Variants in GNAL observed in about 807,000 individuals in gnomAD.
GNAL encodes G protein subunit alpha L, also known as guanine nucleotide-binding protein G(olf) subunit alpha.
Under a neutral mutation model 55.1 loss-of-function variants are expected in GNAL, and 18 were observed. The ratio of observed to expected loss-of-function variants is 0.33; its 90% CI spans 0.23 to 0.48. The LOEUF (loss-of-function observed/expected upper bound fraction) is 0.48, where lower values mean the gene tolerates loss of function less well. GNAL is among the 20% of genes least tolerant of loss of function. GNAL has a pLI of 0.99. For synonymous variants in GNAL, 253 were observed against 237.0 expected (o/e 1.07, Z -0.62); for missense variants, 412 against 614.1 (o/e 0.67, Z 3.48).
chr18:11,806,838 A>G (rs2034675751), intron 4 of GNAL, among the ~76,000 whole-genome samples: 1 of 150,402 alleles, frequency 6.6e-6, no homozygotes, highest in Admixed American at 6.7e-5. Flanking sequence ...AACATGTGTT[A>G]TTTGGTATTC....
At chr18:11,856,197 G>C (rs572494491) in intron 5 of GNAL, among the ~76,000 whole-genome samples, 1 of 151,564 alleles carries the variant, frequency 6.6e-6, no homozygotes, top group Admixed American at 6.5e-5. Flanking sequence ...CTGATGAGCA[G>C]ACCCCTGTTT....
intron 4 of GNAL, among the ~76,000 whole-genome samples, chr18:11,812,704 T>G (rs1351756572): frequency 6.6e-6 from 1 of 151,422 alleles, no homozygotes; most frequent in Non-Finnish European, 1.5e-5. Flanking sequence ...ATTAGCTGGG[T>G]GTGGTGGCGC....
chr18:11,694,881 C>T (rs2031360785), intron 1 of GNAL, among the ~76,000 whole-genome samples: 1 of 152,188 alleles, frequency 6.6e-6, no homozygotes, highest in Admixed American at 6.5e-5. Flanking sequence ...CGGCCACGTT[C>T]TCACAGTATC....
intron 4 of GNAL, among the ~76,000 whole-genome samples, chr18:11,814,413 A>G (rs1171980235): frequency 2.6e-5 from 4 of 152,176 alleles, no homozygotes; most frequent in African/African-American, 9.7e-5. Flanking sequence ...CTGTAATCCC[A>G]GCTACTTGGG....
chr18:11,742,372 T>TA (rs11399555), intron 1 of GNAL, among the ~76,000 whole-genome samples: 24,129 of 152,258 alleles, frequency 0.16, 2,157 homozygotes, highest in East Asian at 0.28. Flanking sequence ...ACAGTCCACT[T>TA]ACTGGGAGCT....
chr18:11,797,365 CTCTT>C lies in GNAL; in HGVS notation c.625-27551_625-27548del, dbSNP rs371452719. Among the ~76,000 whole-genome samples, 368 of 152,194 alleles carry C rather than the reference CTCTT, an allele frequency of 2.4e-3. 2 individuals carry two copies. The highest frequency in any genetic ancestry group is 7.3e-3 in the African/African-American group (302 of 41,526). The stretch of plus-strand genomic sequence containing the variant: ...TTGTTTATAGGATACCAATTTTTGT[CTCTT>C]TAATTTCTTATTAGTATTTTTTCCA... On this transcript the variant is annotated intron_variant, in intron 4 of 11. Transcript: ENST00000334049.
At position 11,882,070 on chromosome 18, in the gene GNAL, T is replaced by C. The variant is rs2036707050; in HGVS notation, c.*935T>C. ...TTTATCAGGTTGGCACTTTATAAAATACTCCCTGATTTAAAAAATTGTAAG... is the reference window on the plus strand; with the variant it reads ...TTTATCAGGTTGGCACTTTATAAAACACTCCCTGATTTAAAAAATTGTAAG... On this transcript the variant is annotated 3_prime_UTR_variant, in exon 12 of 12. Transcript: ENST00000334049. The C allele has an allele frequency of 6.6e-6, 1 of 152,244 alleles. No individual in the cohort carries two copies. Among genetic ancestry groups the C allele is most frequent in the Admixed American group, 6.5e-5 (1 of 15,276 alleles). 9.4% of individuals were successfully genotyped at this position (152,244 alleles called of 1,614,324 possible).
intron 4 of GNAL, among the ~76,000 whole-genome samples, chr18:11,823,058 G>T (rs1317335277): frequency 6.6e-6 from 1 of 152,106 alleles, no homozygotes; most frequent in East Asian, 1.9e-4. Context: ...CCCAGAGCTG[G>T]CAACTGGAAG....
intron 1 of GNAL, among the ~76,000 whole-genome samples, chr18:11,731,170 C>T (rs555969028): frequency 2.6e-5 from 4 of 152,288 alleles, no homozygotes; most frequent in East Asian, 1.9e-4. Flanking sequence ...GTTTTTGAGA[C>T]GGAGTCTCAC....
chr18:11,800,369 G>A (rs562577042), intron 4 of GNAL, among the ~76,000 whole-genome samples: 1 of 152,196 alleles, frequency 6.6e-6, no homozygotes, highest in East Asian at 1.9e-4. Flanking sequence ...TGCAAACTGC[G>A]AATTGGGAGA....
chr18:11,825,846 A>G (rs1426558200), intron 5 of GNAL, among the ~76,000 whole-genome samples: 1 of 151,074 alleles, frequency 6.6e-6, no homozygotes, highest in African/African-American at 2.4e-5. Flanking sequence ...TTCTATTGCT[A>G]TTAGAAAATA....
intron 1 of GNAL, among the ~76,000 whole-genome samples, chr18:11,709,877 C>A (rs2031797234): frequency 6.6e-6 from 1 of 152,188 alleles, no homozygotes; most frequent in African/African-American, 2.4e-5. Flanking sequence ...TGCCTTCTTC[C>A]TAATCCTAGA....
chr18:11,753,710 C>T, intron 3 of GNAL, 28 bp downstream of exon 3: 7 of 1,515,748 alleles, frequency 4.6e-6, no homozygotes, highest in Non-Finnish European at 4.6e-6. Context: ...TGATTGTTTA[C>T]TAGAAAGGTC....
Position 11,882,637 on chromosome 18 carries a change from G to A in GNAL, c.*1502G>A, listed in dbSNP as rs1178681096. 1 of 149,506 alleles carries A rather than the reference G, an allele frequency of 6.7e-6. No individual in the cohort carries two copies. The highest frequency in any genetic ancestry group is 2.5e-5 in the African/African-American group (1 of 40,194). The allele number at this position is 149,506 out of a possible 1,614,324, so 9.3% of individuals were successfully genotyped here. ...GGAGGTGGAGATTGCAGTGAGCCGA[G>A]GTCGTGCCATCGCACTCCAGCCTGG... On this transcript the variant is annotated 3_prime_UTR_variant, in exon 12 of 12. Coordinates refer to ENST00000334049, the MANE Select transcript of GNAL (RefSeq NM_182978.4).
intron 1 of GNAL, among the ~76,000 whole-genome samples, chr18:11,741,043 A>T (rs1382792039): frequency 6.6e-6 from 1 of 152,242 alleles, no homozygotes; most frequent in African/African-American, 2.4e-5. Flanking sequence ...CTCTGTAACT[A>T]AACCAAAGTC....
At position 11,868,587 on chromosome 18, in the gene GNAL, A is replaced by C; in HGVS notation, c.955A>C (p.Met319Leu). 1 of 1,610,928 alleles carries C rather than the reference A, an allele frequency of 6.2e-7. No homozygotes were observed. Among genetic ancestry groups the C allele is most frequent in the Non-Finnish European group, 8.5e-7 (1 of 1,177,556 alleles). The change falls in exon 9 of 12, where the codon ATG (methionine) becomes CTG (leucine). Residue 319 changes from methionine (M) to leucine (L), a missense_variant. Physicochemically the swap from Met to Leu is conservative, Grantham distance 15. Around this residue, in one of 5 missense-constraint regions of GNAL, gnomAD observed 53 missense variants for 182.7 expected, o/e 0.29. Coordinates refer to ENST00000334049, the MANE Select transcript of GNAL (RefSeq NM_182978.4). The surrounding 1 kb of genome is among the most constrained non-coding windows in gnomAD (Gnocchi z 4.0). The stretch of plus-strand genomic sequence containing the variant: ...CGTCGCAGCCTGCAGTAGCTACAAC[A>C]TGGTGATTCGAGAAGATAACAACAC... Reference protein sequence around the residue: ...IYVAACSSYNMVIREDNNTNR... With the variant: ...IYVAACSSYNLVIREDNNTNR...
At chr18:11,792,660 C>T (rs1299337502) in intron 4 of GNAL, among the ~76,000 whole-genome samples, 2 of 152,222 alleles carry the variant, frequency 1.3e-5, no homozygotes, top group Non-Finnish European at 2.9e-5. Flanking sequence ...TTGCAGTATC[C>T]TAGCTCCTAG....
At chr18:11,787,715 A>T (rs1252540750) in intron 4 of GNAL, among the ~76,000 whole-genome samples, 1 of 152,112 alleles carries the variant, frequency 6.6e-6, no homozygotes, top group Non-Finnish European at 1.5e-5. Context: ...TCTACTAAAA[A>T]TACAAAAAAT....
chr18:11,839,582 A>G (rs1158440043), intron 5 of GNAL, among the ~76,000 whole-genome samples: 2 of 109,044 alleles, frequency 1.8e-5, no homozygotes, highest in South Asian at 3.2e-4. Context: ...TTTTTTCTTT[A>G]AAGCTCAGAT....
Sources: allele counts gnomAD v4.1 joint callset (sites outside exome capture counted in the v4.1 genomes callset), GRCh38; gene constraint gnomAD v4.1.1; regional missense constraint gnomAD v4.1.1; non-coding constraint Gnocchi (gnomAD v3.1); transcripts MANE v1.5; gene names NCBI Gene and HGNC (gene_info 2026-07-23, HGNC 2026-07-21).